Variants in COL2A1 observed in about 807,000 individuals in gnomAD.
The protein encoded by COL2A1 is collagen type II alpha 1 chain.
Under a neutral mutation model 204.5 loss-of-function variants are expected in COL2A1, and 28 were observed. That is an observed-to-expected ratio of 0.14 (90% confidence interval 0.10 to 0.19). COL2A1 has a LOEUF of 0.19. Ranked by LOEUF, COL2A1 falls within the 10% of genes least tolerant of loss-of-function variation. The pLI, the probability that COL2A1 is intolerant of heterozygous loss-of-function variation, is 1.00. For missense variants in COL2A1, 1,388 were observed against 2,027.5 expected (o/e 0.68, Z 6.06); for synonymous variants, 708 against 718.7 (o/e 0.99, Z 0.24).
At chr12:47,979,481 T>C (rs1410264628) in intron 41 of COL2A1, 30 bp downstream of exon 41, 1 of 1,612,054 alleles carries the variant, frequency 6.2e-7, no homozygotes, top group East Asian at 2.2e-5. Context: ...CATGCCTGCC[T>C]GTGCCTCTCA....
chr12:47,975,206 A>T (rs4760608), intron 51 of COL2A1, 111 bp downstream of exon 51: 22 of 1,379,434 alleles, frequency 1.6e-5, no homozygotes, highest in Non-Finnish European at 2.2e-5. Flanking sequence ...TCTGGCGGAA[A>T]CTTCCAGGCC....
intron 52 of COL2A1, 62 bp downstream of exon 52, chr12:47,974,613 A>G (rs766442614): frequency 1.9e-6 from 3 of 1,572,020 alleles, no homozygotes; most frequent in Non-Finnish European, 2.6e-6. Flanking sequence ...TTCCAGGGAG[A>G]AAGAAAAGAA....
intron 23 of COL2A1, 56 bp downstream of exon 23, chr12:47,986,280 C>T (rs1565682753): frequency 3.4e-6 from 4 of 1,173,694 alleles, no homozygotes; most frequent in Non-Finnish European, 5.0e-6. Flanking sequence ...ACAAGGACTC[C>T]ACTTCCCTCT....
intron 35 of COL2A1, 37 bp downstream of exon 35, chr12:47,982,070 C>G (rs778878438): frequency 6.2e-7 from 1 of 1,604,832 alleles, no homozygotes; most frequent in African/African-American, 1.3e-5. Context: ...GGCTAGGATC[C>G]TAATGCCCAG....
rs200621622 is a variant in COL2A1, at chr12:47,974,688, T to C, written c.4061A>G (p.Asn1354Ser). ...KKHIWFGETINGGFHFSYGDD... is the reference protein window; with the variant it reads ...KKHIWFGETISGGFHFSYGDD... ...CCAGGTACTCACATGGAAGCCACCA[T>C]TGATGGTTTCTCCAAACCAGATGTG... Residue 1354 changes from asparagine (N) to serine (S), a missense_variant, in exon 52 of 54, where the codon AAT becomes AGT. By Grantham distance (46) the Asn-to-Ser change is conservative (BLOSUM62 1). This residue lies in a region of COL2A1 where 303 missense variants were observed against 369.2 expected (regional missense o/e 0.82). Coordinates refer to ENST00000380518, the MANE Select transcript of COL2A1 (RefSeq NM_001844.5). 1.7e-5 allele frequency: 28 copies of C among 1,614,170 alleles called. No homozygotes were observed. Among genetic ancestry groups the C allele is most frequent in the African/African-American group, 5.3e-5 (4 of 75,048 alleles).
Position 47,986,399 on chromosome 12 carries a change from T to C in COL2A1, c.1464A>G (p.Glu488=), listed in dbSNP as rs754092365. The C allele has an allele frequency of 1.9e-5, 29 of 1,567,446 alleles. No individual in the cohort carries two copies. The highest frequency in any genetic ancestry group is 2.5e-5 in the Non-Finnish European group (29 of 1,155,692). The change falls in exon 23 of 54, where the codon GAA becomes GAG. Residue 488 remains glutamate, a synonymous_variant. Coordinates refer to ENST00000380518, the MANE Select transcript of COL2A1 (RefSeq NM_001844.5). ...GCTCTCCACGGGCACCTCTCTTGCC[T>C]TCTTCACCAGCGGGTCCAGGGGCTC... ...PQGAPGPAGE[E]GKRGARGEPG...
At chr12:47,977,028 G>T (rs1022658291) in intron 47 of COL2A1, 74 bp downstream of exon 47, 3 of 1,553,204 alleles carry the variant, frequency 1.9e-6, no homozygotes, top group Non-Finnish European at 2.6e-6. Context: ...GGAGGCCCAG[G>T]AACCACCTGG....
chr12:47,998,363 G>C, intron 3 of COL2A1, 52 bp downstream of exon 3: 1 of 1,552,540 alleles, frequency 6.4e-7, no homozygotes, highest in Middle Eastern at 1.7e-4. Context: ...TTTTGAAGCA[G>C]AAAATATAAA....
chr12:47,993,677 G>T, intron 14 of COL2A1, 132 bp downstream of exon 14: 1 of 1,160,548 alleles, frequency 8.6e-7, no homozygotes, highest in East Asian at 2.4e-5. Flanking sequence ...TCAGGATGTA[G>T]GGCTGGTGTT....
At chr12:47,977,068 G>T (rs1565669494) in intron 47 of COL2A1, 34 bp downstream of exon 47, 3 of 1,592,948 alleles carry the variant, frequency 1.9e-6, no homozygotes, top group East Asian at 2.3e-5. Context: ...CCTATCCCTG[G>T]TGGGGACTCA....
chr12:47,980,702 T>C lies in COL2A1; in HGVS notation c.2518-41A>G, dbSNP rs1455468995. The C allele has an allele frequency of 6.4e-7, 1 of 1,574,156 alleles. No individual in the cohort carries two copies. The highest frequency in any genetic ancestry group is 1.8e-5 in the Admixed American group (1 of 56,338). ...GGAAGCAGGTGAATGAGGGGCAGGC[T>C]AAAACCCTGGAGCTCTTCCAGAAGA... On this transcript the variant is annotated intron_variant, in intron 38 of 53. Transcript: ENST00000380518. The surrounding 1 kb of genome is among the most constrained non-coding windows in gnomAD (Gnocchi z 4.5).
chr12:47,992,665 G>A (rs1939761105), intron 16 of COL2A1, among the ~76,000 whole-genome samples: 1 of 152,154 alleles, frequency 6.6e-6, no homozygotes. Flanking sequence ...AGAGAATCAT[G>A]CTTTCACCCA....
At chr12:47,995,165 G>T in intron 11 of COL2A1, 90 bp downstream of exon 11, 3 of 1,107,172 alleles carry the variant, frequency 2.7e-6, no homozygotes, top group African/African-American at 1.5e-5. Context: ...CCTCCACCCT[G>T]GGTGCCTCCC....
At chr12:47,986,995 G>C in intron 21 of COL2A1, 83 bp downstream of exon 21, 2 of 1,582,762 alleles carry the variant, frequency 1.3e-6, no homozygotes, top group South Asian at 2.2e-5. Context: ...GTGAGGCCAG[G>C]GCAGGAGAGC....
At chr12:47,974,030 C>T in intron 53 of COL2A1, 59 bp downstream of exon 53, 1 of 1,613,444 alleles carries the variant, frequency 6.2e-7, no homozygotes, top group South Asian at 1.1e-5. Flanking sequence ...GGCCAACCCT[C>T]AGCCCTGCTC....
At chr12:47,997,049 T>A (rs1244684714) in intron 7 of COL2A1, among the ~76,000 whole-genome samples, 1 of 152,220 alleles carries the variant, frequency 6.6e-6, no homozygotes, top group East Asian at 1.9e-4. Flanking sequence ...GTAGTAGGCA[T>A]CTGTGATCCC....
intron 35 of COL2A1, 21 bp downstream of exon 35, chr12:47,982,086 C>T: frequency 6.2e-7 from 1 of 1,612,688 alleles, no homozygotes; most frequent in Non-Finnish European, 8.5e-7. Flanking sequence ...CCCAGCAGTC[C>T]AGCAGCCCGC....
chr12:47,977,972 C>T (rs1213599139), intron 44 of COL2A1, 38 bp downstream of exon 44: 13 of 1,563,122 alleles, frequency 8.3e-6, no homozygotes, highest in Non-Finnish European at 1.1e-5. Flanking sequence ...GGGCCCCTCT[C>T]CCCAATCAGG....
rs141944722 is a variant in COL2A1, at chr12:47,975,504, G to C, written c.3699C>G (p.Pro1233=). Residue 1233 remains proline (P), a synonymous_variant, in exon 51 of 54, where the codon CCC becomes CCG. Transcript: ENST00000380518. The part of the protein sequence containing the change: ...FAGLGPREKG[P]DPLQYMRADQ... Reference sequence around the variant, plus strand: ...CGGCCCGCATGTACTGCAGGGGGTCGGGGCCCTTCTCTCTCGGGCCTAAGC... The same window carrying C: ...CGGCCCGCATGTACTGCAGGGGGTCCGGGCCCTTCTCTCTCGGGCCTAAGC... 1 of 1,612,402 alleles carries C rather than the reference G, an allele frequency of 6.2e-7. No homozygotes were observed.
Sources: gnomAD v4.1 joint callset for allele counts (sites outside exome capture counted in the v4.1 genomes callset) on GRCh38, gnomAD v4.1.1 for gene constraint, gnomAD v4.1.1 regional missense constraint, Gnocchi (gnomAD v3.1) non-coding constraint, MANE v1.5 for transcripts, NCBI Gene and HGNC (gene_info 2026-07-23, HGNC 2026-07-21) for gene names.